TENM1: variants seen among roughly 807,000 people sequenced by gnomAD.
TENM1 encodes teneurin transmembrane protein 1.
Under a neutral mutation model 174.8 loss-of-function variants are expected in TENM1, and 35 were observed. The observed-to-expected ratio is 0.20, with a 90% CI of 0.15 to 0.27. The LOEUF is 0.27. Ranked by LOEUF, TENM1 falls within the 10% of genes least tolerant of loss-of-function variation. The pLI, the probability that TENM1 is intolerant of heterozygous loss-of-function variation, is 1.00. For synonymous variants in TENM1, 781 were observed against 798.7 expected (o/e 0.98, Z 0.37); for missense variants, 1,633 against 2,130.1 (o/e 0.77, Z 4.59).
chrX:125,183,109 C>T, the TENM1 span, among the ~76,000 whole-genome samples: 1 of 112,203 alleles, frequency 8.9e-6, no homozygotes, highest in African/African-American at 3.2e-5. Context: ...ACTTCATTTA[C>T]TGCTCATTCT....
intron 5 of TENM1, among the ~76,000 whole-genome samples, chrX:124,687,162 A>G (rs1052744941): frequency 1.5e-4 from 17 of 111,720 alleles, no homozygotes; most frequent in Non-Finnish European, 2.6e-4. Flanking sequence ...AAGCAAAAAG[A>G]ACAACGCTGG....
chrX:124,410,023 A>G (rs1389695802), intron 25 of TENM1, among the ~76,000 whole-genome samples: 2 of 109,545 alleles, frequency 1.8e-5, no homozygotes, highest in Non-Finnish European at 3.8e-5. Context: ...AAACTACTTT[A>G]AAGTTCATGT....
intron 6 of TENM1, among the ~76,000 whole-genome samples, chrX:124,659,861 G>A (rs1418223118): frequency 1.8e-5 from 2 of 111,272 alleles, no homozygotes; most frequent in East Asian, 5.6e-4. Flanking sequence ...AGGTCACCAA[G>A]ACAATTCAAT....
chrX:124,380,007 A>T (rs1301194529), exon 32 of TENM1: 2 of 112,555 alleles, frequency 1.8e-5, no homozygotes, highest in Non-Finnish European at 3.7e-5. Context: ...AAGGAAGGGC[A>T]ATTGGGTCCT....
chrX:125,172,067 T>A, the TENM1 span, among the ~76,000 whole-genome samples: 1 of 111,614 alleles, frequency 9.0e-6, no homozygotes, highest in Non-Finnish European at 1.9e-5. Context: ...GAGAGCTAGA[T>A]AAAGAGAATT....
the TENM1 span, among the ~76,000 whole-genome samples, chrX:125,166,173 C>T: frequency 2.7e-5 from 3 of 111,065 alleles, no homozygotes; most frequent in South Asian, 3.8e-4. Flanking sequence ...CATGTAAGTT[C>T]AAAGGAAACA....
chrX:124,887,193 C>A (rs1019520062), intron 3 of TENM1, among the ~76,000 whole-genome samples: 3 of 110,646 alleles, frequency 2.7e-5, no homozygotes, highest in Non-Finnish European at 5.7e-5. Flanking sequence ...AATATCAAAA[C>A]ACTGGAAATC....
chrX:124,470,593 T>C lies in TENM1; in HGVS notation c.3949+11139A>G, dbSNP rs182222436. On this transcript the variant is annotated intron_variant, in intron 22 of 31. Transcript: ENST00000422452. Reference sequence around the variant, plus strand: ...TGTTTCAATGTCAAGAGTGCTTATCTAGATGCCTTTTAAATTTTTCTTCTT... The same window carrying C: ...TGTTTCAATGTCAAGAGTGCTTATCCAGATGCCTTTTAAATTTTTCTTCTT... Among the ~76,000 whole-genome samples, 483 of 111,588 alleles carry C rather than the reference T, an allele frequency of 4.3e-3. 2 individuals carry two copies. The highest frequency in any genetic ancestry group is 0.015 in the African/African-American group (452 of 30,768).
intron 3 of TENM1, among the ~76,000 whole-genome samples, chrX:124,740,544 T>C (rs919886024): frequency 2.7e-5 from 3 of 111,770 alleles, no homozygotes; most frequent in Non-Finnish European, 5.6e-5. Flanking sequence ...TATTTTACTG[T>C]GTATTTTTAT....
At chrX:124,786,084 A>G (rs183784441) in intron 3 of TENM1, among the ~76,000 whole-genome samples, 68 of 111,480 alleles carry the variant, frequency 6.1e-4, no homozygotes, top group African/African-American at 2.1e-3. Flanking sequence ...GCTAGAAAAT[A>G]TACATCGTAA....
At position 124,779,331 on chromosome X, in the gene TENM1, C is replaced by T. The variant is rs760475386; in HGVS notation, c.536-42134G>A. ...GGGGTAGTTCAGTAGGCATAGTGCACGATTTTCTTATAAGTCCCGATTGCA... is the reference window on the plus strand; with the variant it reads ...GGGGTAGTTCAGTAGGCATAGTGCATGATTTTCTTATAAGTCCCGATTGCA... On this transcript the variant is annotated intron_variant, in intron 3 of 31. Transcript: ENST00000422452. 5.4e-5 allele frequency among the ~76,000 whole-genome samples: 6 copies of T among 111,616 alleles called. No individual in the cohort carries two copies. The South Asian group carries it at 1.5e-3, about 28-fold the overall frequency.
At chrX:124,818,000 A>C (rs2055944647) in intron 3 of TENM1, among the ~76,000 whole-genome samples, 1 of 110,859 alleles carries the variant, frequency 9.0e-6, no homozygotes, top group South Asian at 3.8e-4. Context: ...AAAATTCAAG[A>C]ATGTCTTCTA....
intron 23 of TENM1, among the ~76,000 whole-genome samples, chrX:124,431,189 A>G (rs1444396919): frequency 6.2e-5 from 7 of 112,517 alleles, no homozygotes; most frequent in Admixed American, 9.4e-5. Context: ...GACTGTTACT[A>G]TATTTTACAA....
At chrX:124,740,911 G>C (rs1416320869) in intron 3 of TENM1, among the ~76,000 whole-genome samples, 1 of 111,564 alleles carries the variant, frequency 9.0e-6, no homozygotes, top group African/African-American at 3.3e-5. Context: ...ACACTTCTGT[G>C]CCCCAGAGAG....
intron 3 of TENM1, among the ~76,000 whole-genome samples, chrX:124,739,114 G>T (rs759869105): frequency 3.6e-5 from 4 of 112,004 alleles, no homozygotes; most frequent in Non-Finnish European, 7.5e-5. Context: ...ACAGTGGAAA[G>T]AGGAGAGGAC....
At chrX:125,200,654 T>TGTGTGTGAGAGAGAGAGAGAGAGA in the TENM1 span, among the ~76,000 whole-genome samples, 43 of 92,413 alleles carry the variant, frequency 4.7e-4, no homozygotes, top group African/African-American at 1.8e-3. Context: ...TGTGTGTGTG[T>TGTGTGTGAGAGAGAGAGAGAGAGA]GAGAGAGAGA....
chrX:125,036,815 C>G, the TENM1 span, among the ~76,000 whole-genome samples: 1 of 111,235 alleles, frequency 9.0e-6, no homozygotes, highest in Non-Finnish European at 1.9e-5. Context: ...GTGGCTCACT[C>G]TGGACTCTTG....
chrX:125,086,639 C>T, the TENM1 span, among the ~76,000 whole-genome samples: 2 of 110,708 alleles, frequency 1.8e-5, no homozygotes, highest in African/African-American at 6.5e-5. Context: ...CTGGTTATTG[C>T]TGGCACATCA....
rs149422229 is a variant in TENM1 at position 124,602,644 on chromosome X, G to A, written c.2078-37084C>T. Among the ~76,000 whole-genome samples, 61 of 110,128 alleles carry A rather than the reference G, an allele frequency of 5.5e-4. 2 individuals carry two copies. In the East Asian group the frequency reaches 0.014, roughly 26 times the overall value. ...GGACAGAAGAGCCACATAGGGAAAC[G>A]CAGGAGCCTAAGGGGAGATTATAGG... is the stretch of plus-strand genomic sequence containing the variant. On this transcript the variant is annotated intron_variant, in intron 11 of 31. Transcript: ENST00000422452.
Sources: gnomAD v4.1 joint callset for allele counts (sites outside exome capture counted in the v4.1 genomes callset) on GRCh38, gnomAD v4.1.1 for gene constraint, MANE v1.5 for transcripts, NCBI Gene and HGNC (gene_info 2026-07-23, HGNC 2026-07-21) for gene names.